The following UTRN variants were observed in gnomAD, a reference collection of about 807,000 sequenced individuals.
The protein encoded by UTRN is dystrophin-related protein 1.
A neutral mutation model predicts 463.9 loss-of-function variants in UTRN; 283 were observed. That is an observed-to-expected ratio of 0.61 (90% CI 0.55 to 0.67). UTRN has a LOEUF of 0.67. Ranked by LOEUF, UTRN falls within the 30% of genes least tolerant of loss-of-function variation. UTRN has a pLI of 0.00. For missense variants in UTRN, 3,922 were observed against 4,084.3 expected (o/e 0.96, Z 1.08); for synonymous variants, 1,442 against 1,431.5 (o/e 1.01, Z -0.17).
chr6:144,400,083 A>G (rs1782804675), intron 2 of UTRN, among the ~76,000 whole-genome samples: 2 of 152,194 alleles, frequency 1.3e-5, no homozygotes. Context: ...TCATTAATGG[A>G]TAAGATTTGC....
At chr6:144,679,145 C>G (rs1185598533) in intron 52 of UTRN, among the ~76,000 whole-genome samples, 2 of 151,926 alleles carry the variant, frequency 1.3e-5, no homozygotes, top group Non-Finnish European at 2.9e-5. Flanking sequence ...CTTATGGACA[C>G]TAAAATGGAA....
chr6:144,547,837 G>C (rs1326644380), intron 46 of UTRN, among the ~76,000 whole-genome samples: 3 of 152,050 alleles, frequency 2.0e-5, no homozygotes, highest in Non-Finnish European at 4.4e-5. Context: ...CCAGAAATTT[G>C]AATTAATGAT....
At chr6:144,815,490 T>G (rs1324239480) in intron 65 of UTRN, among the ~76,000 whole-genome samples, 1 of 152,070 alleles carries the variant, frequency 6.6e-6, no homozygotes, top group Non-Finnish European at 1.5e-5. Flanking sequence ...TACCCAAACC[T>G]CAAAAGTAGA....
chr6:144,411,569 G>A (rs996447725), intron 3 of UTRN, among the ~76,000 whole-genome samples: 1 of 152,028 alleles, frequency 6.6e-6, no homozygotes, highest in Non-Finnish European at 1.5e-5. Flanking sequence ...CCAAAATCGA[G>A]GTAAACATTC....
At chr6:144,815,745 G>A (rs1257506291) in intron 65 of UTRN, among the ~76,000 whole-genome samples, 3 of 152,178 alleles carry the variant, frequency 2.0e-5, no homozygotes, top group East Asian at 1.9e-4. Flanking sequence ...GGTACCCACC[G>A]GGTTTGAGGG....
intron 46 of UTRN, among the ~76,000 whole-genome samples, chr6:144,547,726 T>C (rs1198844890): frequency 6.6e-6 from 1 of 152,196 alleles, no homozygotes; most frequent in Non-Finnish European, 1.5e-5. Flanking sequence ...TTAATAATTA[T>C]TAGCTAAATA....
chr6:144,385,293 G>A (rs562843696), intron 2 of UTRN, among the ~76,000 whole-genome samples: 2 of 152,258 alleles, frequency 1.3e-5, no homozygotes, highest in East Asian at 3.9e-4. Flanking sequence ...TGAGATTCTG[G>A]TCTCCTACTT....
chr6:144,715,074 A>G (rs1786242749), intron 53 of UTRN, among the ~76,000 whole-genome samples: 1 of 151,852 alleles, frequency 6.6e-6, no homozygotes, highest in Admixed American at 6.6e-5. Context: ...TATGCCAAGC[A>G]CTCCCAAAGA....
At chr6:144,344,188 C>T (rs1777380155) in intron 2 of UTRN, 7 of 1,302,814 alleles carry the variant, frequency 5.4e-6, no homozygotes, top group Non-Finnish European at 7.1e-6. Flanking sequence ...TCTTTTTCCT[C>T]ATCATCTAAG....
chr6:144,487,808 A>G (rs1792620350), intron 29 of UTRN, 111 bp downstream of exon 29: 1 of 1,117,714 alleles, frequency 8.9e-7, no homozygotes, highest in Admixed American at 2.9e-5. Flanking sequence ...TGTTGGTTAA[A>G]GTTGGTAACC....
At chr6:144,313,759 T>C (rs1262220808) in intron 2 of UTRN, among the ~76,000 whole-genome samples, 2 of 152,204 alleles carry the variant, frequency 1.3e-5, no homozygotes, top group Admixed American at 6.5e-5. Context: ...GGTCCTCTGA[T>C]TTCTCTATTT....
chr6:144,661,619 T>C (rs986311210), intron 51 of UTRN, among the ~76,000 whole-genome samples: 1 of 152,234 alleles, frequency 6.6e-6, no homozygotes, highest in African/African-American at 2.4e-5. Flanking sequence ...ACAAACTTTA[T>C]GACCATAAAG....
intron 13 of UTRN, among the ~76,000 whole-genome samples, chr6:144,443,425 G>T (rs998072179): frequency 5.9e-5 from 9 of 152,134 alleles, no homozygotes; most frequent in African/African-American, 2.2e-4. Flanking sequence ...ATCATGCTGA[G>T]ACTGGAAATC....
chr6:144,735,933 T>G (rs544546495), intron 54 of UTRN, among the ~76,000 whole-genome samples: 2 of 151,864 alleles, frequency 1.3e-5, no homozygotes, highest in Non-Finnish European at 3.0e-5. Flanking sequence ...AAAATACTGG[T>G]TTTTGAGTTC....
In UTRN at chr6:144,586,974, T is replaced by G. The variant is rs112133785; in HGVS notation, c.7479+9686T>G. On this transcript the variant is annotated intron_variant, in intron 51 of 74. Coordinates refer to ENST00000367545, the MANE Select transcript of UTRN (RefSeq NM_007124.3). ...ATCATATTTCTTCAGCAAAAATCTT[T>G]TAAACATCTAGCTGTATATAGATGT... Among the ~76,000 whole-genome samples, 1,085 of 152,332 alleles carry G rather than the reference T, an allele frequency of 7.1e-3. 12 individuals carry two copies. The highest frequency in any genetic ancestry group is 0.024 in the African/African-American group (983 of 41,588).
chr6:144,531,336 T>C, intron 42 of UTRN, 134 bp downstream of exon 42: 1 of 957,242 alleles, frequency 1.0e-6, no homozygotes, highest in Non-Finnish European at 1.4e-6. Context: ...TTTGTTCCAA[T>C]TCTTGTTACC....
intron 3 of UTRN, among the ~76,000 whole-genome samples, chr6:144,404,570 T>C (rs1478187256): frequency 6.6e-6 from 1 of 152,206 alleles, no homozygotes; most frequent in Non-Finnish European, 1.5e-5. Context: ...ATTGTTTAGA[T>C]AGAACAAGTG....
intron 10 of UTRN, among the ~76,000 whole-genome samples, chr6:144,436,439 G>A (rs1460780225): frequency 1.3e-5 from 2 of 152,048 alleles, no homozygotes; most frequent in Admixed American, 6.6e-5. Flanking sequence ...AAAAGCAAAC[G>A]AGTGAACCAA....
intron 12 of UTRN, 140 bp from the exon 13 acceptor site, chr6:144,440,212 G>A: frequency 1.2e-6 from 1 of 827,910 alleles, no homozygotes; most frequent in Non-Finnish European, 1.9e-6. Flanking sequence ...AGTTTCATTA[G>A]TAGAACAGTT....
Sources: allele counts gnomAD v4.1 joint callset (sites outside exome capture counted in the v4.1 genomes callset), GRCh38; gene constraint gnomAD v4.1.1; transcripts MANE v1.5; gene names NCBI Gene and HGNC (gene_info 2026-07-23, HGNC 2026-07-21).